Variants in AUTS2 observed in about 807,000 individuals in gnomAD.
AUTS2 encodes activator of transcription and developmental regulator AUTS2.
A neutral mutation model predicts 112.4 loss-of-function variants in AUTS2; 17 were observed. That is an observed-to-expected ratio of 0.15 (90% CI 0.10 to 0.23). AUTS2 has a LOEUF of 0.23. Among genes scored for constraint, AUTS2 ranks in the 10% least tolerant of loss-of-function variants. The probability of loss-of-function intolerance (pLI) is 1.00; values close to 1 mark genes in which losing one functional copy is unlikely to be tolerated. For synonymous variants in AUTS2, 751 were observed against 702.7 expected (o/e 1.07, Z -1.09); for missense variants, 1,510 against 1,701.6 (o/e 0.89, Z 1.98).
At chr7:70,110,793 G>A (rs1008831054) in intron 2 of AUTS2, among the ~76,000 whole-genome samples, 2 of 148,154 alleles carry the variant, frequency 1.3e-5, no homozygotes, top group African/African-American at 2.5e-5. Flanking sequence ...AATGAAACTT[G>A]TCTAATTGCA....
chr7:69,626,743 T>C (rs1793971473), intron 1 of AUTS2, among the ~76,000 whole-genome samples: 2 of 152,224 alleles, frequency 1.3e-5, no homozygotes, highest in Non-Finnish European at 2.9e-5. Context: ...TATATGCTCC[T>C]TTCCCCCATA....
chr7:70,088,411 G>GC (rs1262252499), intron 2 of AUTS2, among the ~76,000 whole-genome samples: 1 of 151,990 alleles, frequency 6.6e-6, no homozygotes, highest in African/African-American at 2.4e-5. Context: ...ACAGGCATGA[G>GC]CCACCGTGCC....
chr7:70,617,208 G>A (rs1226328761), intron 5 of AUTS2, among the ~76,000 whole-genome samples: 4 of 152,242 alleles, frequency 2.6e-5, no homozygotes, highest in Middle Eastern at 3.4e-3. Context: ...GTAAAAGTCC[G>A]TGCTATCCTT....
chr7:70,039,881 T>C (rs2129557631), intron 2 of AUTS2, among the ~76,000 whole-genome samples: 1 of 152,348 alleles, frequency 6.6e-6, no homozygotes, highest in Admixed American at 6.5e-5. Flanking sequence ...CTAAATCCAG[T>C]CTTGCTGGGT....
chr7:70,346,587 T>C (rs1791505448), intron 4 of AUTS2, among the ~76,000 whole-genome samples: 1 of 152,148 alleles, frequency 6.6e-6, no homozygotes, highest in Non-Finnish European at 1.5e-5. Context: ...AGCAAACACA[T>C]GTCTCTCTGT....
intron 2 of AUTS2, among the ~76,000 whole-genome samples, chr7:69,951,426 G>A (rs1375326644): frequency 2.0e-5 from 3 of 152,116 alleles, no homozygotes; most frequent in African/African-American, 7.2e-5. Context: ...TGAAACTGCA[G>A]GGCCAGGCAG....
At chr7:70,503,905 A>T (rs1798865664) in intron 5 of AUTS2, among the ~76,000 whole-genome samples, 1 of 151,436 alleles carries the variant, frequency 6.6e-6, no homozygotes, top group Admixed American at 6.6e-5. Context: ...CTATCAATGC[A>T]GCATTACTTT....
In AUTS2 at chr7:70,216,972, C is replaced by T. The variant is rs192502942; in HGVS notation, c.660+82401C>T. Among the ~76,000 whole-genome samples, 22 of 152,238 alleles carry T rather than the reference C, an allele frequency of 1.4e-4. No homozygotes were observed. The East Asian group carries it at 4.3e-3, about 29-fold the overall frequency. On this transcript the variant is annotated intron_variant, in intron 4 of 18. Transcript: ENST00000342771. ...TCACCCAGGCTGGAGTGCAGTGGCA[C>T]GATCTCAGCTCACTGTGACCTCCAC...
chr7:70,110,859 C>CTTTTTTTTTTTTTTTTTTTTTTTTTT (rs71077618), intron 2 of AUTS2, among the ~76,000 whole-genome samples: 1 of 82,782 alleles, frequency 1.2e-5, no homozygotes, highest in Non-Finnish European at 2.1e-5. Flanking sequence ...TTCTTTCTTT[C>CTTTTTTTTTTTTTTTTTTTTTTTTTT]TTTTTTTTTT....
intron 1 of AUTS2, among the ~76,000 whole-genome samples, chr7:69,726,065 G>A (rs1786494281): frequency 6.6e-6 from 1 of 152,068 alleles, no homozygotes; most frequent in African/African-American, 2.4e-5. Context: ...TACATGCAGT[G>A]AAATGCACAG....
intron 4 of AUTS2, among the ~76,000 whole-genome samples, chr7:70,364,070 G>C (rs1792417654): frequency 6.6e-6 from 1 of 152,132 alleles, no homozygotes; most frequent in Admixed American, 6.5e-5. Flanking sequence ...TTTTATTTCA[G>C]CAGGGTTTGT....
chr7:70,663,478 G>A (rs554853116), intron 5 of AUTS2, among the ~76,000 whole-genome samples: 4 of 152,250 alleles, frequency 2.6e-5, no homozygotes, highest in Admixed American at 1.3e-4. Context: ...TGGAACGGAC[G>A]TTGACTTCTC....
chr7:70,652,829 G>C (rs540088957), intron 5 of AUTS2, among the ~76,000 whole-genome samples: 19 of 152,290 alleles, frequency 1.2e-4, no homozygotes, highest in African/African-American at 4.6e-4. Context: ...TCTTGGCAAT[G>C]GTGGTGTTTT....
At chr7:70,003,164 CAT>C (rs891851734) in intron 2 of AUTS2, among the ~76,000 whole-genome samples, 10 of 128,102 alleles carry the variant, frequency 7.8e-5, no homozygotes, top group East Asian at 2.2e-4. Context: ...TATATATATT[CAT>C]ATATATTATA....
chr7:70,211,036 C>A (rs1253167428), intron 4 of AUTS2, among the ~76,000 whole-genome samples: 3 of 152,112 alleles, frequency 2.0e-5, no homozygotes, highest in Admixed American at 2.0e-4. Context: ...GTCAAATGAA[C>A]TGCCAAGGAT....
chr7:70,189,052 C>G (rs930809430), intron 4 of AUTS2, among the ~76,000 whole-genome samples: 2 of 151,982 alleles, frequency 1.3e-5, no homozygotes, highest in Non-Finnish European at 2.9e-5. Context: ...CTAGTGATAA[C>G]CTGGTGAAAA....
chr7:70,438,782 G>A (rs1041173777), intron 5 of AUTS2, among the ~76,000 whole-genome samples: 20 of 152,144 alleles, frequency 1.3e-4, no homozygotes, highest in Non-Finnish European at 8.8e-5. Context: ...TGGAGGATTC[G>A]CATTCGAATC....
rs1366224075 is a variant in AUTS2 at position 69,599,513 on chromosome 7, C to G, written c.-141C>G. The G allele has an allele frequency of 1.4e-6, 1 of 711,470 alleles. No individual in the cohort carries two copies. The highest frequency in any genetic ancestry group is 1.9e-6 in the Non-Finnish European group (1 of 519,314). 44.1% of individuals were successfully genotyped at this position (711,470 alleles called of 1,614,324 possible). ...CTTTCTTCCCCTCTCTCCCTTCTTTCGGCCGCCGTCTCCCCCGCGCCCTCC... is the reference window on the plus strand; with the variant it reads ...CTTTCTTCCCCTCTCTCCCTTCTTTGGGCCGCCGTCTCCCCCGCGCCCTCC... On this transcript the variant is annotated 5_prime_UTR_variant, in exon 1 of 19. Transcript: ENST00000342771. The surrounding 1 kb of genome is among the most constrained non-coding windows in gnomAD (Gnocchi z 7.0).
intron 5 of AUTS2, among the ~76,000 whole-genome samples, chr7:70,539,749 A>G (rs1005706363): frequency 6.6e-6 from 1 of 152,116 alleles, no homozygotes; most frequent in African/African-American, 2.4e-5. Context: ...CGTCTGTGGG[A>G]GAGTGGCAGC....
Sources: allele counts gnomAD v4.1 joint callset (sites outside exome capture counted in the v4.1 genomes callset), GRCh38; gene constraint gnomAD v4.1.1; non-coding constraint Gnocchi (gnomAD v3.1); transcripts MANE v1.5; gene names NCBI Gene and HGNC (gene_info 2026-07-23, HGNC 2026-07-21).